CNOT1: variants seen among roughly 807,000 people sequenced by gnomAD.
CNOT1 encodes the protein CCR4-NOT transcription complex subunit 1.
A neutral mutation model predicts 273.8 loss-of-function variants in CNOT1; 15 were observed. The observed-to-expected ratio is 0.05, with a 90% CI of 0.04 to 0.08. CNOT1 has a LOEUF of 0.08. Among genes scored for constraint, CNOT1 ranks in the 10% least tolerant of loss-of-function variants. The pLI, the probability that CNOT1 is intolerant of heterozygous loss-of-function variation, is 1.00. For synonymous variants in CNOT1, 1,022 were observed against 1,005.5 expected, an observed-to-expected ratio of 1.02 and a Z score of -0.31; for missense variants, 1,644 against 2,912.2, an observed-to-expected ratio of 0.56 and a Z score of 10.02.
rs1597402920 is a variant in CNOT1 at position 58,530,510 on chromosome 16, C to T, written c.6178-163G>A. 2.0e-5 allele frequency: 9 copies of T among 454,070 alleles called. 1 individual carries two copies. In the South Asian group the frequency reaches 4.6e-4, roughly 23 times the overall value. The allele number at this position is 454,070 out of a possible 1,614,324, so 28.1% of individuals were successfully genotyped here. The stretch of plus-strand genomic sequence containing the variant: ...AAAGATCGGCATTAAAGGCCAGGCA[C>T]GGTGGCTGACGCCTGTAATCCCAGC... On this transcript the variant is annotated intron_variant, in intron 42 of 48. Coordinates refer to ENST00000317147, the MANE Select transcript of CNOT1 (RefSeq NM_016284.5).
intron 1 of CNOT1, among the ~76,000 whole-genome samples, chr16:58,603,969 T>C (rs114530275): frequency 5.8e-4 from 88 of 152,338 alleles, no homozygotes; most frequent in African/African-American, 2.0e-3. Context: ...ACATACTTCA[T>C]GTCCCATAGT....
At chr16:58,523,046 GATCAGCCTGGCCAAC>G (rs1320744085) in intron 47 of CNOT1, 1 of 162,508 alleles carries the variant, frequency 6.2e-6, no homozygotes, top group Non-Finnish European at 1.3e-5. Context: ...AGGAGTTCAA[GATCAGCCTGGCCAAC>G]ATGGTGAAAC....
chr16:58,523,555 A>G, intron 46 of CNOT1, 53 bp from the exon 47 acceptor site: 2 of 1,583,246 alleles, frequency 1.3e-6, no homozygotes, highest in Non-Finnish European at 1.7e-6. Context: ...CCAACATGGG[A>G]AGACAGTTCT....
chr16:58,539,285 G>A (rs1275691523), intron 35 of CNOT1, among the ~76,000 whole-genome samples: 4 of 152,044 alleles, frequency 2.6e-5, no homozygotes, highest in Non-Finnish European at 5.9e-5. Context: ...CTTGAGCCCA[G>A]GAGATTGAGA....
At chr16:58,602,102 CTT>C (rs1021167371) in intron 1 of CNOT1, among the ~76,000 whole-genome samples, 5 of 151,826 alleles carry the variant, frequency 3.3e-5, no homozygotes, top group East Asian at 2.0e-4. Flanking sequence ...GAGTTTCGCT[CTT>C]GTTTCCCAGG....
At chr16:58,552,597 C>T (rs190848429) in intron 22 of CNOT1, among the ~76,000 whole-genome samples, 184 of 152,264 alleles carry the variant, frequency 1.2e-3, no homozygotes, top group Middle Eastern at 3.4e-3. Context: ...AATGAATATA[C>T]TCCACATTCC....
At chr16:58,559,347 CTTA>C (rs1023477233) in intron 17 of CNOT1, among the ~76,000 whole-genome samples, 2 of 152,112 alleles carry the variant, frequency 1.3e-5, no homozygotes, top group Admixed American at 6.6e-5. Context: ...ACATGGGACA[CTTA>C]TTATATTAAT....
At chr16:58,620,650 A>AT (rs1427517085) in intron 1 of CNOT1, among the ~76,000 whole-genome samples, 2 of 71,466 alleles carry the variant, frequency 2.8e-5, no homozygotes, top group African/African-American at 5.1e-5. Flanking sequence ...ACTCTGTCTC[A>AT]TTTAAAAAAA....
intron 29 of CNOT1, 139 bp from the exon 30 acceptor site, chr16:58,545,630 A>T: frequency 7.0e-7 from 1 of 1,426,746 alleles, no homozygotes. Context: ...AGCAGGTCCT[A>T]TTTTTCCCAC....
intron 1 of CNOT1, among the ~76,000 whole-genome samples, chr16:58,616,755 T>C (rs1334918970): frequency 1.3e-5 from 2 of 152,180 alleles, no homozygotes; most frequent in African/African-American, 2.4e-5. Flanking sequence ...ATACAGTGTA[T>C]GCCAATTTTA....
chr16:58,552,479 G>C (rs1412276878), intron 22 of CNOT1, among the ~76,000 whole-genome samples: 1 of 152,094 alleles, frequency 6.6e-6, no homozygotes, highest in African/African-American at 2.4e-5. Flanking sequence ...GCTACAGTGG[G>C]TGCTAGGGAC....
intron 1 of CNOT1, among the ~76,000 whole-genome samples, chr16:58,603,778 C>T (rs1234289012): frequency 6.6e-6 from 1 of 152,112 alleles, no homozygotes; most frequent in African/African-American, 2.4e-5. Context: ...TCAAACATCA[C>T]CTTCTCAGTG....
intron 1 of CNOT1, among the ~76,000 whole-genome samples, chr16:58,601,734 TAAAAAAA>T (rs66711143): frequency 1.1e-5 from 1 of 91,516 alleles, no homozygotes; most frequent in Non-Finnish European, 2.2e-5. Flanking sequence ...ATACCCACCT[TAAAAAAA>T]AAAAAAAAAA....
rs763793436 is a variant in CNOT1 at position 58,538,945 on chromosome 16, G to GA, written c.4993-32dup. ...GGAGAAAGAAAGCGTTCAAAACCAT[G>GA]AAAAATACAGTGCTTGGCCCAACTA... On this transcript the variant is annotated intron_variant, in intron 35 of 48. Coordinates refer to ENST00000317147, the MANE Select transcript of CNOT1 (RefSeq NM_016284.5). The GA allele has an allele frequency of 9.3e-6, 15 of 1,604,748 alleles. No homozygotes were observed. The African/African-American group carries it at 1.6e-4, about 17-fold the overall frequency.
intron 1 of CNOT1, among the ~76,000 whole-genome samples, chr16:58,628,380 T>C (rs2043672922): frequency 6.6e-6 from 1 of 152,124 alleles, no homozygotes; most frequent in Admixed American, 6.6e-5. Flanking sequence ...TTTAAAAGGG[T>C]AGGAATACCA....
chr16:58,589,782 C>T (rs1442334924), intron 2 of CNOT1, among the ~76,000 whole-genome samples: 1 of 152,160 alleles, frequency 6.6e-6, no homozygotes, highest in Non-Finnish European at 1.5e-5. Context: ...TTAGATGCTG[C>T]CCTTGAGCTC....
chr16:58,562,906 A>T (rs902464538), intron 16 of CNOT1, among the ~76,000 whole-genome samples: 7 of 152,220 alleles, frequency 4.6e-5, no homozygotes, highest in African/African-American at 1.7e-4. Flanking sequence ...TACTACTGGC[A>T]TTAAGAAGTA....
At chr16:58,618,346 G>A (rs140422138) in intron 1 of CNOT1, among the ~76,000 whole-genome samples, 8 of 152,278 alleles carry the variant, frequency 5.3e-5, no homozygotes, top group African/African-American at 1.9e-4. Context: ...TACTTTGGGA[G>A]GCTGAAGTGG....
intron 35 of CNOT1, among the ~76,000 whole-genome samples, chr16:58,539,457 CCT>C (rs976124487): frequency 2.9e-4 from 28 of 95,752 alleles, no homozygotes; most frequent in Admixed American, 2.6e-4. Context: ...AGAGAGAGAC[CCT>C]GTCTCTTACA....
Sources: gnomAD v4.1 joint callset for allele counts (sites outside exome capture counted in the v4.1 genomes callset) on GRCh38, gnomAD v4.1.1 for gene constraint, MANE v1.5 for transcripts, NCBI Gene and HGNC (gene_info 2026-07-23, HGNC 2026-07-21) for gene names.